ZNF248: variants seen among roughly 807,000 people sequenced by gnomAD.
ZNF248 encodes KRAB protein domain.
Under a neutral mutation model 44.3 loss-of-function variants are expected in ZNF248, and 20 were observed. That is an observed-to-expected ratio of 0.45 (90% CI 0.32 to 0.66). ZNF248 has a LOEUF of 0.66. ZNF248 is among the 30% of genes least tolerant of loss of function. The pLI, the probability that ZNF248 is intolerant of heterozygous loss-of-function variation, is 0.04. For synonymous variants in ZNF248, 224 were observed against 229.0 expected (o/e 0.98, Z 0.20); for missense variants, 654 against 677.0 (o/e 0.97, Z 0.38).
At chr10:37,770,572 T>G in the ZNF248 span, among the ~76,000 whole-genome samples, 28 of 152,272 alleles carry the variant, frequency 1.8e-4, no homozygotes, top group South Asian at 4.1e-4. Context: ...TAGCCATATG[T>G]AGAAAGCTGA....
At position 37,832,231 on chromosome 10, in the gene ZNF248, G is replaced by C. The variant is rs764068289; in HGVS notation, c.1124C>G (p.Thr375Arg). 3 of 1,614,042 alleles carry C rather than the reference G, an allele frequency of 1.9e-6. No individual in the cohort carries two copies. In the South Asian group the frequency reaches 3.3e-5, roughly 18 times the overall value. Residue 375 changes from threonine (T) to arginine (R), a missense_variant, in exon 6 of 6, where the codon ACA (threonine) becomes AGA (arginine). Physicochemically the swap from Thr to Arg is moderately conservative, Grantham distance 71. Transcript: ENST00000395867. ...ACCACATTCAAAGGTTTTTTCTCCT[G>C]TGTGAGCTCTCCGAAGCTGGGTAAG... ...SHLTQLRRAHTGEKTFECGEC... is the reference protein window; with the variant it reads ...SHLTQLRRAHRGEKTFECGEC...
At chr10:37,807,238 C>T (rs2050715578) in intron 6 of ZNF248, among the ~76,000 whole-genome samples, 1 of 151,982 alleles carries the variant, frequency 6.6e-6, no homozygotes, top group African/African-American at 2.4e-5. Context: ...GGCCTCTTGG[C>T]TTTCTATTCT....
At chr10:37,804,589 A>G (rs923748905) in intron 6 of ZNF248, among the ~76,000 whole-genome samples, 1 of 152,128 alleles carries the variant, frequency 6.6e-6, no homozygotes. Context: ...ACCTGCCACC[A>G]TACCTGGCTA....
intron 1 of ZNF248, 24 bp from the exon 2 acceptor site, chr10:37,856,556 C>T: frequency 1.7e-6 from 2 of 1,176,920 alleles, no homozygotes; most frequent in Non-Finnish European, 2.1e-6. Flanking sequence ...AAATTAAAAA[C>T]ATGAAAAGAT....
intron 6 of ZNF248, chr10:37,802,931 G>A (rs561443910): frequency 6.6e-6 from 1 of 152,240 alleles, no homozygotes; most frequent in Non-Finnish European, 1.5e-5. Context: ...TGAAGCTCAA[G>A]TAATCCTCCA....
At chr10:37,769,058 C>T in the ZNF248 span, among the ~76,000 whole-genome samples, 4 of 152,088 alleles carry the variant, frequency 2.6e-5, no homozygotes, top group South Asian at 8.3e-4. Context: ...TACACTCTCC[C>T]AAGACTAAAC....
Position 37,846,235 on chromosome 10 carries a change from G to A in ZNF248, c.16-8124C>T, listed in dbSNP as rs1018256408. Among the ~76,000 whole-genome samples, 3 of 152,100 alleles carry A rather than the reference G, an allele frequency of 2.0e-5. No individual in the cohort carries two copies. In the East Asian group the frequency reaches 5.8e-4, roughly 29 times the overall value. Reference sequence around the variant, plus strand: ...GTGCTTGGTGAGAGGACCCAAGTTTGGTTTGGTAACAGAAAGAGGAATTAT... The same window carrying A: ...GTGCTTGGTGAGAGGACCCAAGTTTAGTTTGGTAACAGAAAGAGGAATTAT... On this transcript the variant is annotated intron_variant, in intron 3 of 5. Transcript: ENST00000395867.
At chr10:37,770,791 G>A in the ZNF248 span, among the ~76,000 whole-genome samples, 1 of 152,018 alleles carries the variant, frequency 6.6e-6, no homozygotes, top group South Asian at 2.1e-4. Context: ...TTAAACTAAA[G>A]AGCTTCTGCA....
At chr10:37,847,555 T>G (rs907970156) in intron 3 of ZNF248, among the ~76,000 whole-genome samples, 1 of 152,196 alleles carries the variant, frequency 6.6e-6, no homozygotes, top group African/African-American at 2.4e-5. Context: ...TAACTTATTT[T>G]CAAACATATT....
At chr10:37,809,282 G>GTTTA (rs35173342) in intron 6 of ZNF248, among the ~76,000 whole-genome samples, 71,900 of 151,038 alleles carry the variant, frequency 0.48, 17,409 homozygotes, top group East Asian at 0.55. Context: ...TTTATTTATT[G>GTTTA]TTTATTTATT....
intron 5 of ZNF248, 95 bp from the exon 6 acceptor site, chr10:37,833,211 TTTTG>T: frequency 1.4e-6 from 2 of 1,457,714 alleles, no homozygotes; most frequent in Non-Finnish European, 1.8e-6. Flanking sequence ...CAGTCAATTC[TTTTG>T]TTTTAAATTC....
downstream of ZNF248, among the ~76,000 whole-genome samples, chr10:37,775,153 TAC>T (rs1400531327): frequency 6.6e-6 from 1 of 152,194 alleles, no homozygotes; most frequent in Admixed American, 6.6e-5. Flanking sequence ...TACTAATAAT[TAC>T]AGTTATACAA....
chr10:37,770,372 T>C, the ZNF248 span, among the ~76,000 whole-genome samples: 2 of 152,150 alleles, frequency 1.3e-5, no homozygotes, highest in Non-Finnish European at 2.9e-5. Flanking sequence ...GACTTCAAAC[T>C]ATACTACAAG....
intron 3 of ZNF248, among the ~76,000 whole-genome samples, chr10:37,854,337 A>C (rs2060882836): frequency 6.6e-6 from 1 of 152,224 alleles, no homozygotes; most frequent in African/African-American, 2.4e-5. Flanking sequence ...AATGGCTTGC[A>C]ACTCATATAA....
intron 3 of ZNF248, among the ~76,000 whole-genome samples, chr10:37,840,719 T>C (rs1218864854): frequency 6.6e-6 from 1 of 151,906 alleles, no homozygotes; most frequent in African/African-American, 2.4e-5. Flanking sequence ...AAGGCAGAGG[T>C]TGCAGTGAGC....
At chr10:37,768,213 T>C in the ZNF248 span, among the ~76,000 whole-genome samples, 1 of 152,068 alleles carries the variant, frequency 6.6e-6, no homozygotes, top group Non-Finnish European at 1.5e-5. Context: ...ATTAGATAGA[T>C]CAATGAGACA....
At chr10:37,847,431 G>A (rs914584250) in intron 3 of ZNF248, among the ~76,000 whole-genome samples, 15 of 152,058 alleles carry the variant, frequency 9.9e-5, no homozygotes, top group African/African-American at 3.1e-4. Flanking sequence ...GTAACAGTGT[G>A]GATTACTGCT....
intron 3 of ZNF248, among the ~76,000 whole-genome samples, chr10:37,848,359 A>G (rs2059667444): frequency 6.6e-6 from 1 of 152,120 alleles, no homozygotes. Context: ...TGAGATGGAC[A>G]GATCGCCTGA....
intron 5 of ZNF248, 77 bp from the exon 6 acceptor site, chr10:37,833,193 C>A: frequency 1.3e-6 from 2 of 1,498,262 alleles, no homozygotes; most frequent in Non-Finnish European, 1.8e-6. Context: ...CACAAATGCA[C>A]TATCATACAG....
Sources: allele counts gnomAD v4.1 joint callset (sites outside exome capture counted in the v4.1 genomes callset), GRCh38; gene constraint gnomAD v4.1.1; transcripts MANE v1.5; gene names NCBI Gene and HGNC (gene_info 2026-07-23, HGNC 2026-07-21).